QKI: variants seen among roughly 807,000 people sequenced by gnomAD.
The protein encoded by QKI is QKI, KH domain containing RNA binding.
In QKI, 10 loss-of-function variants were observed where a neutral mutation model predicts 39.0. That is an observed-to-expected ratio of 0.26 (90% CI 0.16 to 0.43). QKI has a LOEUF of 0.43. QKI is among the 20% of genes least tolerant of loss of function. The probability of loss-of-function intolerance (pLI) is 1.00; values close to 1 mark genes in which losing one functional copy is unlikely to be tolerated. For missense variants in QKI, 218 were observed against 428.0 expected (o/e 0.51, Z 4.33); for synonymous variants, 204 against 155.4 (o/e 1.31, Z -2.33).
At chr6:163,567,063 G>T (rs1583233967) in intron 7 of QKI, 1 of 1,082,070 alleles carries the variant, frequency 9.2e-7, no homozygotes, top group Non-Finnish European at 1.1e-6. Context: ...GTCAATTTGG[G>T]GAGCTATTAA....
At chr6:163,509,163 A>T (rs960198866) in intron 3 of QKI, among the ~76,000 whole-genome samples, 2 of 151,918 alleles carry the variant, frequency 1.3e-5, no homozygotes, top group African/African-American at 4.8e-5. Flanking sequence ...CAGTCAGTCA[A>T]TCAATCAATG....
chr6:163,565,903 T>A (rs1260800125), intron 6 of QKI: 1 of 1,612,606 alleles, frequency 6.2e-7, no homozygotes, highest in Admixed American at 1.7e-5. Flanking sequence ...GCATCAAGTC[T>A]TCATTGATGA....
chr6:163,466,114 C>T (rs1369438298), intron 2 of QKI, among the ~76,000 whole-genome samples: 1 of 143,756 alleles, frequency 7.0e-6, no homozygotes, highest in Admixed American at 7.1e-5. Context: ...GTGACAAGAG[C>T]GAAACTCCAT....
intron 5 of QKI, among the ~76,000 whole-genome samples, chr6:163,562,298 C>T (rs1185189052): frequency 1.3e-5 from 2 of 152,194 alleles, no homozygotes; most frequent in African/African-American, 2.4e-5. Flanking sequence ...GATAAACTTA[C>T]ATTATTTTAA....
intron 4 of QKI, among the ~76,000 whole-genome samples, chr6:163,560,078 ATAAAGT>A (rs948848367): frequency 9.2e-5 from 14 of 152,148 alleles, no homozygotes; most frequent in African/African-American, 2.2e-4. Context: ...GGATTTGGAA[ATAAAGT>A]TAAAGACTTC....
At chr6:163,493,622 C>G (rs866332936) in intron 3 of QKI, among the ~76,000 whole-genome samples, 4 of 152,124 alleles carry the variant, frequency 2.6e-5, no homozygotes, top group Middle Eastern at 3.2e-3. Context: ...AGGTGGGATT[C>G]CACCACTGAG....
intron 3 of QKI, among the ~76,000 whole-genome samples, chr6:163,516,528 C>T (rs1268354450): frequency 9.2e-5 from 14 of 152,110 alleles, no homozygotes; most frequent in African/African-American, 2.4e-4. Flanking sequence ...CTCTTGACCT[C>T]GTGATCCACC....
intron 1 of QKI, among the ~76,000 whole-genome samples, chr6:163,424,362 A>T (rs1169430697): frequency 6.6e-6 from 1 of 152,242 alleles, no homozygotes; most frequent in African/African-American, 2.4e-5. Flanking sequence ...CAGCATAAAG[A>T]TGAAATGAAT....
chr6:163,534,690 T>G (rs545786207), intron 3 of QKI, among the ~76,000 whole-genome samples: 5 of 152,340 alleles, frequency 3.3e-5, no homozygotes, highest in African/African-American at 1.2e-4. Context: ...ATGATGATGA[T>G]GTATGCTTCT....
In QKI at chr6:163,574,039, A is replaced by C. The variant is rs1390350309; in HGVS notation, c.*3329A>C. ...CCGGGGCGGGTGTGGGTGTAGGTGC[A>C]GTAGAGATGGGAACAAAGTAGCCTT... is the stretch of plus-strand genomic sequence containing the variant. On this transcript the variant is annotated 3_prime_UTR_variant, in exon 8 of 8. Coordinates refer to ENST00000361752, the MANE Select transcript of QKI (RefSeq NM_006775.3). The C allele has an allele frequency of 6.6e-6, 1 of 152,166 alleles. No individual in the cohort carries two copies. The allele number at this position is 152,166 out of a possible 1,614,324, so 9.4% of individuals were successfully genotyped here.
At chr6:163,533,795 T>C (rs1367804055) in intron 3 of QKI, among the ~76,000 whole-genome samples, 1 of 152,166 alleles carries the variant, frequency 6.6e-6, no homozygotes, top group East Asian at 1.9e-4. Flanking sequence ...TTTTTTTCCC[T>C]GTATCCCCTT....
intron 4 of QKI, among the ~76,000 whole-genome samples, chr6:163,560,770 G>GA (rs1333447118): frequency 6.6e-6 from 1 of 152,190 alleles, no homozygotes; most frequent in Non-Finnish European, 1.5e-5. Context: ...GAAACATGAT[G>GA]AAAATTGTGA....
At chr6:163,444,505 GT>G (rs1789997291) in intron 1 of QKI, among the ~76,000 whole-genome samples, 1 of 151,770 alleles carries the variant, frequency 6.6e-6, no homozygotes, top group African/African-American at 2.4e-5. Context: ...TTTAAGGAAA[GT>G]TCAAAGTGTG....
At chr6:163,534,785 G>C (rs1455079736) in intron 3 of QKI, among the ~76,000 whole-genome samples, 197 bp from the exon 4 acceptor site, 1 of 152,106 alleles carries the variant, frequency 6.6e-6, no homozygotes, top group South Asian at 2.1e-4. Flanking sequence ...ATACTTGTTG[G>C]ATTAATTATC....
intron 2 of QKI, among the ~76,000 whole-genome samples, chr6:163,468,746 A>T (rs1358955241): frequency 6.6e-6 from 1 of 152,068 alleles, no homozygotes. Flanking sequence ...CACTTAGCTC[A>T]GGCTGTTTGA....
chr6:163,424,419 A>G (rs968934239), intron 1 of QKI, among the ~76,000 whole-genome samples: 1 of 152,194 alleles, frequency 6.6e-6, no homozygotes, highest in African/African-American at 2.4e-5. Flanking sequence ...TGAAGTGGTA[A>G]GCATTCTTGT....
At chr6:163,532,962 C>G (rs1012298107) in intron 3 of QKI, among the ~76,000 whole-genome samples, 1 of 152,096 alleles carries the variant, frequency 6.6e-6, no homozygotes, top group Non-Finnish European at 1.5e-5. Context: ...TGGCTTGAAA[C>G]TTGTTGATAC....
chr6:163,452,028 G>T (rs1028431553), intron 1 of QKI, among the ~76,000 whole-genome samples: 8 of 152,050 alleles, frequency 5.3e-5, no homozygotes, highest in African/African-American at 1.9e-4. Flanking sequence ...AGAATAAATG[G>T]GGCTCTTGCA....
chr6:163,481,233 A>ATG (rs1491266607), intron 3 of QKI, among the ~76,000 whole-genome samples: 4 of 141,192 alleles, frequency 2.8e-5, no homozygotes, highest in South Asian at 2.1e-4. Flanking sequence ...ATATATAGAC[A>ATG]TGTGTGTATA....
Sources: allele counts gnomAD v4.1 joint callset (sites outside exome capture counted in the v4.1 genomes callset), GRCh38; gene constraint gnomAD v4.1.1; transcripts MANE v1.5; gene names NCBI Gene and HGNC (gene_info 2026-07-23, HGNC 2026-07-21).